The following DENND1A variants were observed in gnomAD, a reference collection of about 807,000 sequenced individuals.
DENND1A encodes the protein DENN domain containing 1A, also known as DENN domain-containing protein 1A.
DENND1A carries 51 observed loss-of-function variants against 113.7 expected under a neutral mutation model. The observed-to-expected ratio is 0.45, with a 90% CI of 0.36 to 0.57. The LOEUF (loss-of-function observed/expected upper bound fraction) is 0.57. Ranked by LOEUF, DENND1A falls within the 20% of genes least tolerant of loss-of-function variation. The probability of loss-of-function intolerance (pLI) is 0.00; values close to 1 mark genes in which losing one functional copy is unlikely to be tolerated. For synonymous variants in DENND1A, 565 were observed against 570.8 expected (o/e 0.99, Z 0.14); for missense variants, 1,258 against 1,395.9 (o/e 0.90, Z 1.57).
chr9:123,431,041 G>T (rs1473330354), intron 19 of DENND1A, among the ~76,000 whole-genome samples: 4 of 152,052 alleles, frequency 2.6e-5, no homozygotes. Flanking sequence ...CAAAAAACTG[G>T]GGTCTGATGA....
At chr9:123,454,904 G>C in intron 15 of DENND1A, 125 bp from the exon 16 acceptor site, 1 of 843,370 alleles carries the variant, frequency 1.2e-6, no homozygotes. Context: ...CTGGAGTGCA[G>C]TGGTGCGATC....
intron 5 of DENND1A, among the ~76,000 whole-genome samples, chr9:123,720,119 A>C (rs1409457970): frequency 1.3e-5 from 2 of 152,196 alleles, no homozygotes; most frequent in Non-Finnish European, 2.9e-5. Context: ...ATGCCACAAT[A>C]AGCAATTAAA....
At chr9:123,516,840 C>T (rs2053952370) in intron 13 of DENND1A, among the ~76,000 whole-genome samples, 1 of 129,626 alleles carries the variant, frequency 7.7e-6, no homozygotes, top group African/African-American at 3.1e-5. Context: ...GTTGAGATCA[C>T]ACACCACTGC....
chr9:123,739,721 A>G (rs7868740), intron 5 of DENND1A, among the ~76,000 whole-genome samples: 64,177 of 152,006 alleles, frequency 0.42, 16,896 homozygotes, highest in African/African-American at 0.75. Flanking sequence ...GCTGCAAAGA[A>G]CTATTAATGA....
At position 123,653,888 on chromosome 9, in the gene DENND1A, T is replaced by C. The variant is rs190988106; in HGVS notation, c.508-1765A>G. Among the ~76,000 whole-genome samples, 11 of 148,450 alleles carry C rather than the reference T, an allele frequency of 7.4e-5. No homozygotes were observed. The East Asian group carries it at 2.0e-3, about 27-fold the overall frequency. ...GACAGGCATTATCATCTCCATTATA[T>C]AGATGAGAAATAAAAAAAAAAAAAC... is the stretch of plus-strand genomic sequence containing the variant. On this transcript the variant is annotated intron_variant, in intron 8 of 23. Transcript: ENST00000394215.
chr9:123,729,345 T>C (rs930603828), intron 5 of DENND1A, among the ~76,000 whole-genome samples: 5 of 152,234 alleles, frequency 3.3e-5, no homozygotes, highest in African/African-American at 1.2e-4. Flanking sequence ...GATGACATGA[T>C]TGTATATTTA....
chr9:123,401,813 A>G (rs959457376), intron 21 of DENND1A: 1 of 1,614,212 alleles, frequency 6.2e-7, no homozygotes, highest in Non-Finnish European at 8.5e-7. Flanking sequence ...GCGTAAGTCA[A>G]TGTGATGAAG....
intron 5 of DENND1A, chr9:123,751,672 G>A (rs1282161435): frequency 6.6e-6 from 1 of 152,228 alleles, no homozygotes; most frequent in Non-Finnish European, 1.5e-5. Context: ...GACTTCGATG[G>A]TATCATCTCT....
intron 11 of DENND1A, among the ~76,000 whole-genome samples, chr9:123,601,908 C>A (rs746839499): frequency 6.6e-6 from 1 of 152,164 alleles, no homozygotes; most frequent in African/African-American, 2.4e-5. Flanking sequence ...GCCCTCCTTT[C>A]CCCTCCTCAC....
chr9:123,457,466 C>T, intron 14 of DENND1A, 31 bp from the exon 15 acceptor site: 1 of 1,554,730 alleles, frequency 6.4e-7, no homozygotes, highest in Non-Finnish European at 8.9e-7. Context: ...AGCACAACAG[C>T]TCGTACAAAG....
intron 20 of DENND1A, among the ~76,000 whole-genome samples, chr9:123,410,108 C>A (rs373034354): frequency 2.1e-4 from 31 of 150,916 alleles, no homozygotes; most frequent in African/African-American, 6.6e-4. Context: ...AACAAACAAA[C>A]AAAAAAAAAC....
intron 12 of DENND1A, among the ~76,000 whole-genome samples, chr9:123,574,374 A>T (rs1293394614): frequency 6.6e-6 from 1 of 152,018 alleles, no homozygotes; most frequent in Admixed American, 6.5e-5. Flanking sequence ...TCTTTGTGGG[A>T]AAGTTTTACA....
chr9:123,457,075 T>C (rs1371013971), intron 15 of DENND1A: 2 of 332,714 alleles, frequency 6.0e-6, no homozygotes, highest in East Asian at 6.3e-5. Context: ...GAATACTGCA[T>C]GTGCTTCCCA....
intron 12 of DENND1A, among the ~76,000 whole-genome samples, chr9:123,574,173 CTTTTTT>C (rs542615815): frequency 3.6e-5 from 4 of 110,126 alleles, no homozygotes; most frequent in South Asian, 2.8e-4. Flanking sequence ...CTGTAGTTGC[CTTTTTT>C]TTTTTTTTTT....
intron 6 of DENND1A, among the ~76,000 whole-genome samples, chr9:123,673,284 T>C (rs1393745697): frequency 6.6e-6 from 1 of 152,242 alleles, no homozygotes; most frequent in Non-Finnish European, 1.5e-5. Context: ...CATTTACTTA[T>C]TTATTTTACC....
chr9:123,524,801 G>A (rs373273007), intron 13 of DENND1A, among the ~76,000 whole-genome samples: 5 of 152,222 alleles, frequency 3.3e-5, no homozygotes, highest in Non-Finnish European at 5.9e-5. Flanking sequence ...GCTCTTTACT[G>A]ATTGGTGAGC....
At position 123,764,098 on chromosome 9, in the gene DENND1A, C is replaced by A. The variant is rs1056669710; in HGVS notation, c.182+5416G>T. ...TCAGAATCCCAGACATGTTACTCAG[C>A]AGTTATGTGGGCATAGACAAGTTAT... On this transcript the variant is annotated intron_variant, in intron 4 of 23. Transcript: ENST00000394215. This position sits in a 1 kb window ranked among gnomAD's most constrained non-coding sequence, Gnocchi z 4.1. 2.0e-5 allele frequency among the ~76,000 whole-genome samples: 3 copies of A among 152,170 alleles called. No homozygotes were observed. Among genetic ancestry groups the A allele is most frequent in the African/African-American group, 7.2e-5 (3 of 41,442 alleles).
chr9:123,877,503 T>A (rs564000618), intron 2 of DENND1A, among the ~76,000 whole-genome samples: 1 of 144,680 alleles, frequency 6.9e-6, no homozygotes, highest in East Asian at 2.1e-4. Flanking sequence ...ATAATAATAA[T>A]AAAATAAAAT....
At chr9:123,436,002 C>A (rs567594156) in intron 19 of DENND1A, among the ~76,000 whole-genome samples, 1 of 152,198 alleles carries the variant, frequency 6.6e-6, no homozygotes, top group Non-Finnish European at 1.5e-5. Flanking sequence ...CCACAGGGGT[C>A]CTCGGGAGGG....
Sources: gnomAD v4.1 joint callset for allele counts (sites outside exome capture counted in the v4.1 genomes callset) on GRCh38, gnomAD v4.1.1 for gene constraint, Gnocchi (gnomAD v3.1) non-coding constraint, MANE v1.5 for transcripts, NCBI Gene and HGNC (gene_info 2026-07-23, HGNC 2026-07-21) for gene names.